Variants in UBE2O observed in about 807,000 individuals in gnomAD.
The protein encoded by UBE2O is ubiquitin conjugating enzyme E2 O, also known as (E3-independent) E2 ubiquitin-conjugating enzyme.
UBE2O carries 15 observed loss-of-function variants against 125.8 expected under a neutral mutation model. The ratio of observed to expected loss-of-function variants is 0.12; its 90% CI spans 0.08 to 0.18. UBE2O has a LOEUF of 0.18. Among genes scored for constraint, UBE2O ranks in the 10% least tolerant of loss-of-function variants. The pLI, the probability that UBE2O is intolerant of heterozygous loss-of-function variation, is 1.00. For missense variants in UBE2O, 1,280 were observed against 1,723.6 expected (o/e 0.74, Z 4.56); for synonymous variants, 708 against 703.2 (o/e 1.01, Z -0.11).
intron 1 of UBE2O, among the ~76,000 whole-genome samples, chr17:76,449,835 G>A (rs900758461): frequency 6.6e-6 from 1 of 151,776 alleles, no homozygotes; most frequent in African/African-American, 2.4e-5. Flanking sequence ...TAGGAGAATC[G>A]CTTGAACCCG....
intron 1 of UBE2O, among the ~76,000 whole-genome samples, chr17:76,441,478 G>A (rs1016756906): frequency 9.2e-5 from 14 of 152,114 alleles, no homozygotes; most frequent in South Asian, 2.1e-4. Context: ...GACAATTCCC[G>A]GTTCATTAAC....
At position 76,396,435 on chromosome 17, in the gene UBE2O, C is replaced by T. The variant is rs367905486; in HGVS notation, c.2502G>A (p.Thr834=). The change falls in exon 14 of 18, where the codon ACG becomes ACA. Residue 834 remains threonine (T), a synonymous_variant. Coordinates refer to ENST00000319380, the MANE Select transcript of UBE2O (RefSeq NM_022066.4). This position sits in a 1 kb window ranked among gnomAD's most constrained non-coding sequence, Gnocchi z 6.7. ...LKNMTVEQLL[T]GSPTSPTVEP... ...CCACAGTCGGAGAGGTGGGCGAGCC[C>T]GTCAGCAGCTGCTCCACAGTCATGT... 37 of 1,614,152 alleles carry T rather than the reference C, an allele frequency of 2.3e-5. No individual in the cohort carries two copies. The highest frequency in any genetic ancestry group is 5.3e-5 in the African/African-American group (4 of 75,034).
At position 76,399,182 on chromosome 17, in the gene UBE2O, A is replaced by G; in HGVS notation, c.1629-191T>C. 1.2e-6 allele frequency: 1 copy of G among 808,230 alleles called. No individual in the cohort carries two copies. Among genetic ancestry groups the G allele is most frequent in the South Asian group, 1.8e-5 (1 of 55,150 alleles). The allele number at this position is 808,230 out of a possible 1,614,324, so 50.1% of individuals were successfully genotyped here. ...CCAAGGCCACGCATTCTCTGAGAAC[A>G]GGATCCACTTGGGAGAGCTCAGGCA... On this transcript the variant is annotated intron_variant, in intron 9 of 17. Coordinates refer to ENST00000319380, the MANE Select transcript of UBE2O (RefSeq NM_022066.4). The surrounding 1 kb of genome is among the most constrained non-coding windows in gnomAD (Gnocchi z 6.9).
chr17:76,400,934 G>A lies in UBE2O; in HGVS notation c.894+77C>T. The stretch of plus-strand genomic sequence containing the variant: ...AGCGGGGCTCAACCCTCAAGAGCAG[G>A]AAGGAAAGGGGCAGCAGCTCAGCTC... On this transcript the variant is annotated intron_variant, in intron 6 of 17. Transcript: ENST00000319380. This position sits in a 1 kb window ranked among gnomAD's most constrained non-coding sequence, Gnocchi z 4.3. 1 of 1,554,778 alleles carries A rather than the reference G, an allele frequency of 6.4e-7. No homozygotes were observed. Among genetic ancestry groups the A allele is most frequent in the Non-Finnish European group, 8.8e-7 (1 of 1,140,138 alleles).
At chr17:76,428,569 A>C (rs575255663) in intron 1 of UBE2O, among the ~76,000 whole-genome samples, 2 of 152,148 alleles carry the variant, frequency 1.3e-5, no homozygotes, top group Non-Finnish European at 2.9e-5. Context: ...TCCTACCTGA[A>C]TCAGCTCTGA....
chr17:76,447,813 T>G (rs963784044), intron 1 of UBE2O, among the ~76,000 whole-genome samples: 2 of 152,152 alleles, frequency 1.3e-5, no homozygotes, highest in Non-Finnish European at 2.9e-5. Context: ...AAGGTGCCTC[T>G]TTGGTGCAGC....
Position 76,402,461 on chromosome 17 carries a change from G to C in UBE2O, c.686+141C>G. The C allele has an allele frequency of 1.3e-6, 1 of 761,400 alleles. No homozygotes were observed. The highest frequency in any genetic ancestry group is 2.3e-6 in the Non-Finnish European group (1 of 430,970). The allele number at this position is 761,400 out of a possible 1,614,324, so 47.2% of individuals were successfully genotyped here. A position where few individuals can be genotyped will look rare whatever the true frequency, so the allele number is the denominator to read the frequency against. On this transcript the variant is annotated intron_variant, in intron 4 of 17. Transcript: ENST00000319380. The surrounding 1 kb of genome is among the most constrained non-coding windows in gnomAD (Gnocchi z 5.4). ...AGATAAGGAGAACGGTACAGGGTTA[G>C]GCCCTGGATGCCTGCAACATCTGTC... is the stretch of plus-strand genomic sequence containing the variant.
chr17:76,442,254 T>C (rs1242920433), intron 1 of UBE2O, among the ~76,000 whole-genome samples: 2 of 152,210 alleles, frequency 1.3e-5, no homozygotes, highest in Non-Finnish European at 2.9e-5. Context: ...ATTAATCTGC[T>C]CTTCCTAGTA....
rs1238953086 is a variant in UBE2O, at chr17:76,400,939, A to G, written c.894+72T>C. On this transcript the variant is annotated intron_variant, in intron 6 of 17. Transcript: ENST00000319380. This position sits in a 1 kb window ranked among gnomAD's most constrained non-coding sequence, Gnocchi z 4.3. ...GGCTCAACCCTCAAGAGCAGGAAGG[A>G]AAGGGGCAGCAGCTCAGCTCCAGGG... is the stretch of plus-strand genomic sequence containing the variant. 1.4e-5 allele frequency: 22 copies of G among 1,569,626 alleles called. No homozygotes were observed. The highest frequency in any genetic ancestry group is 1.9e-5 in the Non-Finnish European group (22 of 1,150,768).
rs1456124020 is a variant in UBE2O, at chr17:76,402,791, G to T, written c.589-92C>A. 9 of 1,108,012 alleles carry T rather than the reference G, an allele frequency of 8.1e-6. No individual in the cohort carries two copies. The highest frequency in any genetic ancestry group is 1.7e-5 in the Admixed American group (1 of 58,124). The allele number at this position is 1,108,012 out of a possible 1,614,324, so 68.6% of individuals were successfully genotyped here. ...CTCTATGCCCCACCGAAGACAGGAT[G>T]GGGGAGGATCTAGACAGCTCACTGA... is the stretch of plus-strand genomic sequence containing the variant. On this transcript the variant is annotated intron_variant, in intron 3 of 17. Coordinates refer to ENST00000319380, the MANE Select transcript of UBE2O (RefSeq NM_022066.4). This position sits in a 1 kb window ranked among gnomAD's most constrained non-coding sequence, Gnocchi z 5.4.
Position 76,401,063 on chromosome 17 carries a change from C to A in UBE2O, c.842G>T (p.Gly281Val). The A allele has an allele frequency of 6.2e-7, 1 of 1,613,892 alleles. No homozygotes were observed. The highest frequency in any genetic ancestry group is 8.5e-7 in the Non-Finnish European group (1 of 1,180,022). Residue 281 changes from glycine to valine, a missense_variant, in exon 6 of 18, where the codon GGT (glycine) becomes GTT (valine). Coordinates refer to ENST00000319380, the MANE Select transcript of UBE2O (RefSeq NM_022066.4). ...KIFSSVQWLS[G>V]VKPVLSTKSK... ...CTTGGTGCTGAGCACGGGCTTGACA[C>A]CTGACAGCCACTGGACGCTGGAGAA...
At chr17:76,425,702 C>T (rs950477971) in intron 1 of UBE2O, among the ~76,000 whole-genome samples, 2 of 152,192 alleles carry the variant, frequency 1.3e-5, no homozygotes, top group South Asian at 2.1e-4. Context: ...AGTGGTGTTC[C>T]GTGTCCTCAC....
Position 76,398,614 on chromosome 17 carries a change from G to A in UBE2O, c.1784-30C>T. 1 of 1,602,846 alleles carries A rather than the reference G, an allele frequency of 6.2e-7. No homozygotes were observed. Among genetic ancestry groups the A allele is most frequent in the African/African-American group, 1.3e-5 (1 of 74,800 alleles). On this transcript the variant is annotated intron_variant, in intron 10 of 17. Coordinates refer to ENST00000319380, the MANE Select transcript of UBE2O (RefSeq NM_022066.4). This position sits in a 1 kb window ranked among gnomAD's most constrained non-coding sequence, Gnocchi z 5.4. ...GGAACCAGAGAAAGGGAAGTGACTA[G>A]CTAAGGGATCCCGGCTAAGGAGCCC... is the stretch of plus-strand genomic sequence containing the variant.
Position 76,417,703 on chromosome 17 carries a change from CAGGAGGAA to C in UBE2O, c.418-12139_418-12132del, listed in dbSNP as rs201596350. On this transcript the variant is annotated intron_variant, in intron 1 of 17. Transcript: ENST00000319380. ...GAGCACCACGAAGGGCCTTCGACTA[CAGGAGGAA>C]AGAATGCTAAGCATGTCCAGGGGCA... Among the ~76,000 whole-genome samples the C allele has an allele frequency of 9.8e-3, 1,337 of 136,242 alleles. 23 individuals are homozygous for C. The highest frequency in any genetic ancestry group is 0.036 in the African/African-American group (1,226 of 33,844). 89.4% of individuals were successfully genotyped at this position (136,242 alleles called of 152,430 possible).
At chr17:76,417,228 C>T (rs1277331044) in intron 1 of UBE2O, among the ~76,000 whole-genome samples, 1 of 152,222 alleles carries the variant, frequency 6.6e-6, no homozygotes, top group East Asian at 1.9e-4. Context: ...CTGCTCTTCA[C>T]ATGTGGGCAC....
chr17:76,423,880 A>G (rs971182234), intron 1 of UBE2O, among the ~76,000 whole-genome samples: 2 of 141,212 alleles, frequency 1.4e-5, no homozygotes, highest in African/African-American at 5.2e-5. Flanking sequence ...GCTCTCAGCT[A>G]CTTCCAGGTT....
intron 1 of UBE2O, among the ~76,000 whole-genome samples, chr17:76,408,673 A>G (rs2072464620): frequency 1.3e-5 from 2 of 152,240 alleles, no homozygotes; most frequent in Non-Finnish European, 2.9e-5. Flanking sequence ...CCTGCTAGGC[A>G]CAGTTTGCCC....
chr17:76,393,423 C>CG (rs1354867302), intron 15 of UBE2O, among the ~76,000 whole-genome samples: 40 of 151,860 alleles, frequency 2.6e-4, no homozygotes, highest in African/African-American at 8.2e-4. Flanking sequence ...TTAATAGAGA[C>CG]GGGGTTTCAC....
At chr17:76,447,685 T>C (rs2143921900) in intron 1 of UBE2O, among the ~76,000 whole-genome samples, 1 of 151,820 alleles carries the variant, frequency 6.6e-6, no homozygotes, top group South Asian at 2.1e-4. Flanking sequence ...CTAGAAGAGG[T>C]TTAATAAAGT....
Sources: gnomAD v4.1 joint callset for allele counts (sites outside exome capture counted in the v4.1 genomes callset) on GRCh38, gnomAD v4.1.1 for gene constraint, Gnocchi (gnomAD v3.1) non-coding constraint, MANE v1.5 for transcripts, NCBI Gene and HGNC (gene_info 2026-07-23, HGNC 2026-07-21) for gene names.